Variants in MARK2 observed in about 807,000 individuals in gnomAD.
MARK2 encodes microtubule affinity regulating kinase 2.
MARK2 carries 16 observed loss-of-function variants against 89.8 expected under a neutral mutation model. The ratio of observed to expected loss-of-function variants is 0.18; its 90% CI spans 0.12 to 0.27. The LOEUF is 0.27. Among genes scored for constraint, MARK2 ranks in the 10% least tolerant of loss-of-function variants. The probability of loss-of-function intolerance (pLI) is 1.00; values close to 1 mark genes in which losing one functional copy is unlikely to be tolerated. For missense variants in MARK2, 621 were observed against 1,049.9 expected, an observed-to-expected ratio of 0.59 and a Z score of 5.65; for synonymous variants, 382 against 399.5, an observed-to-expected ratio of 0.96 and a Z score of 0.52.
chr11:63,886,265 T>C (rs1479991012), intron 1 of MARK2, among the ~76,000 whole-genome samples: 1 of 151,874 alleles, frequency 6.6e-6, no homozygotes, highest in Non-Finnish European at 1.5e-5. Context: ...TAGCTGAGAC[T>C]ACAGACCCAT....
chr11:63,885,054 T>G (rs1939312370), intron 1 of MARK2, among the ~76,000 whole-genome samples: 1 of 152,054 alleles, frequency 6.6e-6, no homozygotes. Context: ...AATACAAAAA[T>G]TAGCCGGGCT....
intron 1 of MARK2, among the ~76,000 whole-genome samples, chr11:63,860,980 G>A (rs567658624): frequency 6.6e-6 from 1 of 152,206 alleles, no homozygotes; most frequent in Non-Finnish European, 1.5e-5. Flanking sequence ...CTACATAGAG[G>A]ATCATAGCTC....
At position 63,895,194 on chromosome 11, in the gene MARK2, T is replaced by G. The variant is rs1233551529; in HGVS notation, c.90T>G (p.Ser30Arg). Residue 30 changes from serine (S) to arginine (R), a missense_variant, in exon 2 of 19, where the codon AGT becomes AGG. By Grantham distance (110) the Ser-to-Arg change is moderately radical. Around this residue, in one of 5 missense-constraint regions of MARK2, gnomAD observed 60 missense variants for 73.2 expected, o/e 0.82. Transcript: ENST00000402010. ...GACACCTTGACTCCAAGCCCAGCAG[T>G]AAGTCCAACATGATTCGGGGCCGCA... ...TLGHLDSKPS[S>R]KSNMIRGRNS... 1.2e-6 allele frequency: 2 copies of G among 1,613,980 alleles called. No homozygotes were observed. The highest frequency in any genetic ancestry group is 3.3e-5 in the Admixed American group (2 of 59,986).
chr11:63,895,352 C>A lies in MARK2; in HGVS notation c.234+14C>A, dbSNP rs376282581. 8 of 1,610,184 alleles carry A rather than the reference C, an allele frequency of 5.0e-6. No individual in the cohort carries two copies. In the Admixed American group the frequency reaches 1.2e-4, roughly 24 times the overall value. On this transcript the variant is annotated intron_variant, in intron 2 of 18. Transcript: ENST00000402010. ...ACTGGGAAAGAGGTGAGCACTGGGA[C>A]TGGGGACATGGCAGCACCTCCCAGC...
chr11:63,895,532 T>A, intron 2 of MARK2, 48 bp from the exon 3 acceptor site: 1 of 1,570,522 alleles, frequency 6.4e-7, no homozygotes, highest in South Asian at 1.1e-5. Context: ...GAATCCTGGG[T>A]TTCGCTGGTC....
chr11:63,895,734 A>G, intron 3 of MARK2, 101 bp downstream of exon 3: 1 of 1,026,020 alleles, frequency 9.7e-7, no homozygotes, highest in Non-Finnish European at 1.5e-6. Context: ...CAATGGTGTG[A>G]TCTCGGCTCA....
Position 63,884,024 on chromosome 11 carries a change from G to A in MARK2, c.55-11135G>A, listed in dbSNP as rs186566695. On this transcript the variant is annotated intron_variant, in intron 1 of 18. Coordinates refer to ENST00000402010, the MANE Select transcript of MARK2 (RefSeq NM_001039469.3). Reference sequence around the variant, plus strand: ...AGTCAGCTGGTAAGCAACAGAGGTGGGCAGAGCGACTATAGTAAGTTTTCT... The same window carrying A: ...AGTCAGCTGGTAAGCAACAGAGGTGAGCAGAGCGACTATAGTAAGTTTTCT... Among the ~76,000 whole-genome samples the A allele has an allele frequency of 1.4e-3, 216 of 152,292 alleles. 1 individual carries two copies. The highest frequency in any genetic ancestry group is 4.9e-3 in the African/African-American group (203 of 41,552).
At position 63,908,921 on chromosome 11, in the gene MARK2, A is replaced by G. The variant is rs1412282082; in HGVS notation, c.2051A>G (p.Glu684Gly). The G allele has an allele frequency of 6.6e-7, 1 of 1,510,290 alleles. No individual in the cohort carries two copies. Among genetic ancestry groups the G allele is most frequent in the East Asian group, 2.3e-5 (1 of 42,782 alleles). The allele number at this position is 1,510,290 out of a possible 1,614,324, so 93.6% of individuals were successfully genotyped here. A position where few individuals can be genotyped will look rare whatever the true frequency, so the allele number is the denominator to read the frequency against. ...GSGGNDKEKE[E>G]FREAKPRSLR... ...GGCGGCAACGACAAAGAAAAGGAAG[A>G]ATTTCGGGAGGCCAAGCCCCGCTCC... is the stretch of plus-strand genomic sequence containing the variant. The change falls in exon 19 of 19, where the codon GAA (glutamate) becomes GGA (glycine). Residue 684 changes from glutamate to glycine, a missense_variant. Coordinates refer to ENST00000402010, the MANE Select transcript of MARK2 (RefSeq NM_001039469.3).
At chr11:63,866,118 G>A (rs780766111) in intron 1 of MARK2, among the ~76,000 whole-genome samples, 12 of 151,954 alleles carry the variant, frequency 7.9e-5, no homozygotes, top group South Asian at 2.1e-4. Context: ...TTGGGTGGTC[G>A]AGGCGGGCAG....
intron 1 of MARK2, among the ~76,000 whole-genome samples, chr11:63,872,905 A>AC (rs1458036143): frequency 2.2e-3 from 40 of 18,346 alleles, no homozygotes; most frequent in Non-Finnish European, 4.4e-3. Context: ...CCCCACCCCC[A>AC]CCCCCACCCT....
chr11:63,902,983 T>C lies in MARK2; in HGVS notation c.1417-78T>C. 1 of 1,294,382 alleles carries C rather than the reference T, an allele frequency of 7.7e-7. No individual in the cohort carries two copies. The highest frequency in any genetic ancestry group is 1.1e-6 in the Non-Finnish European group (1 of 892,688). The allele number at this position is 1,294,382 out of a possible 1,614,324, so 80.2% of individuals were successfully genotyped here. A position where few individuals can be genotyped will look rare whatever the true frequency, so the allele number is the denominator to read the frequency against. ...CAGGTGGAAGGGACAGGAAGCCTGT[T>C]CCATGAACCTGGGGGGAGAACCTGG... is the stretch of plus-strand genomic sequence containing the variant. On this transcript the variant is annotated intron_variant, in intron 13 of 18. Transcript: ENST00000402010. The surrounding 1 kb of genome is among the most constrained non-coding windows in gnomAD (Gnocchi z 4.2).
intron 1 of MARK2, chr11:63,868,349 A>G (rs561440844): frequency 6.5e-6 from 1 of 153,170 alleles, no homozygotes; most frequent in Admixed American, 6.5e-5. Flanking sequence ...AATTACTTAA[A>G]AAAATCGTAA....
chr11:63,889,871 G>C (rs554820809), intron 1 of MARK2, among the ~76,000 whole-genome samples: 12 of 152,302 alleles, frequency 7.9e-5, no homozygotes, highest in Non-Finnish European at 1.2e-4. Flanking sequence ...TATGATATAG[G>C]CCAGAGCTTT....
In MARK2 at chr11:63,909,700, G is replaced by C. The variant is rs1191368119; in HGVS notation, c.*463G>C. On this transcript the variant is annotated 3_prime_UTR_variant, in exon 19 of 19. Coordinates refer to ENST00000402010, the MANE Select transcript of MARK2 (RefSeq NM_001039469.3). ...AGGGCTGGAACACTCTCAGGCAAGA[G>C]TGGTGGAGCTCCCGTCAGGCCCTCC... The C allele has an allele frequency of 6.5e-6, 1 of 152,918 alleles. No individual in the cohort carries two copies. The highest frequency in any genetic ancestry group is 2.4e-5 in the African/African-American group (1 of 41,496). The allele number at this position is 152,918 out of a possible 1,614,324, so 9.5% of individuals were successfully genotyped here.
intron 1 of MARK2, chr11:63,890,072 A>G (rs1939711759): frequency 7.8e-6 from 3 of 387,070 alleles, no homozygotes; most frequent in African/African-American, 4.2e-5. Flanking sequence ...CTCTCTCTCC[A>G]TATTAGCCAC....
chr11:63,862,722 C>T (rs1937877187), intron 1 of MARK2, among the ~76,000 whole-genome samples: 1 of 152,128 alleles, frequency 6.6e-6, no homozygotes, highest in South Asian at 2.1e-4. Flanking sequence ...AAACCAAAGC[C>T]CCGAGTCCTA....
At chr11:63,876,979 G>C (rs1237666699) in intron 1 of MARK2, among the ~76,000 whole-genome samples, 1 of 151,820 alleles carries the variant, frequency 6.6e-6, no homozygotes, top group Non-Finnish European at 1.5e-5. Flanking sequence ...TCAAAGCCCA[G>C]GTCTTCTGCA....
chr11:63,858,786 C>T (rs913450278), intron 1 of MARK2, among the ~76,000 whole-genome samples: 1 of 152,186 alleles, frequency 6.6e-6, no homozygotes, highest in East Asian at 1.9e-4. Context: ...GACTGATAAT[C>T]CCTGTCCTCG....
intron 1 of MARK2, among the ~76,000 whole-genome samples, chr11:63,840,058 C>G (rs2015931570): frequency 1.3e-5 from 2 of 152,218 alleles, no homozygotes; most frequent in Admixed American, 1.3e-4. Context: ...ACTGCGCTCT[C>G]GATCCCTGGC....
Sources: allele counts gnomAD v4.1 joint callset (sites outside exome capture counted in the v4.1 genomes callset), GRCh38; gene constraint gnomAD v4.1.1; regional missense constraint gnomAD v4.1.1; non-coding constraint Gnocchi (gnomAD v3.1); transcripts MANE v1.5; gene names NCBI Gene and HGNC (gene_info 2026-07-23, HGNC 2026-07-21).